The following TMEM229B variants were observed in gnomAD, a reference collection of about 807,000 sequenced individuals.
The protein encoded by TMEM229B is chromosome 14 open reading frame 83.
Under a neutral mutation model 13.7 loss-of-function variants are expected in TMEM229B, and 6 were observed. The observed-to-expected ratio is 0.44, with a 90% CI of 0.24 to 0.86. The LOEUF (loss-of-function observed/expected upper bound fraction) is 0.86. Among genes scored for constraint, TMEM229B ranks in the 40% least tolerant of loss-of-function variants. The pLI is 0.23. For missense variants in TMEM229B, 170 were observed against 236.0 expected (o/e 0.72, Z 1.83); for synonymous variants, 107 against 102.1 (o/e 1.05, Z -0.29).
In TMEM229B at chr14:67,478,415, TG is replaced by T. The variant is rs2031363106; in HGVS notation, c.-18-4475del. On this transcript the variant is annotated intron_variant, in intron 2 of 2. Transcript: ENST00000554480. ...ACTCTTCTCATTGCTGCCACTGCTC[TG>T]GTTCACGCCCTCATCATGTCTCACC... Among the ~76,000 whole-genome samples the T allele has an allele frequency of 2.0e-5, 3 of 152,376 alleles. No homozygotes were observed. In the South Asian group the frequency reaches 6.2e-4, roughly 32 times the overall value.
intron 1 of TMEM229B, among the ~76,000 whole-genome samples, chr14:67,512,026 C>T (rs953891880): frequency 2.0e-5 from 3 of 152,244 alleles, no homozygotes; most frequent in African/African-American, 7.2e-5. Context: ...TTGAACCAAA[C>T]ACCCTGGTAC....
At chr14:67,478,995 AAAC>A (rs1472954637) in intron 2 of TMEM229B, among the ~76,000 whole-genome samples, 9 of 152,252 alleles carry the variant, frequency 5.9e-5, no homozygotes, top group African/African-American at 2.2e-4. Flanking sequence ...CAAAAAAATT[AAAC>A]AACAATCATC....
intron 1 of TMEM229B, among the ~76,000 whole-genome samples, chr14:67,495,319 A>T (rs2032323535): frequency 6.6e-6 from 1 of 152,126 alleles, no homozygotes; most frequent in Non-Finnish European, 1.5e-5. Context: ...TCCTCCCAGG[A>T]TCAACAACCT....
chr14:67,483,627 G>A (rs1313573094), intron 2 of TMEM229B, among the ~76,000 whole-genome samples: 1 of 152,184 alleles, frequency 6.6e-6, no homozygotes, highest in African/African-American at 2.4e-5. Context: ...GGTCAAAGCT[G>A]ACAGTCACAG....
chr14:67,476,033 A>G (rs923535914), intron 2 of TMEM229B, among the ~76,000 whole-genome samples: 2 of 152,216 alleles, frequency 1.3e-5, no homozygotes, highest in African/African-American at 4.8e-5. Flanking sequence ...CTGCATCAAG[A>G]ATGGGAAGGT....
chr14:67,495,503 A>G (rs2032331220), intron 1 of TMEM229B, among the ~76,000 whole-genome samples: 1 of 148,624 alleles, frequency 6.7e-6, no homozygotes, highest in Non-Finnish European at 1.5e-5. Flanking sequence ...TTTTTTTCAG[A>G]TGGAGTTTCA....
At chr14:67,501,169 G>A (rs1419461500) in intron 1 of TMEM229B, among the ~76,000 whole-genome samples, 1 of 151,870 alleles carries the variant, frequency 6.6e-6, no homozygotes, top group African/African-American at 2.4e-5. Flanking sequence ...TGAACGAAAT[G>A]CAAACCTCCA....
chr14:67,530,700 CA>C (rs566434782), intron 1 of TMEM229B, among the ~76,000 whole-genome samples: 1 of 152,140 alleles, frequency 6.6e-6, no homozygotes, highest in African/African-American at 2.4e-5. Context: ...AAGCAGTTTT[CA>C]AAACATGGAG....
In TMEM229B at chr14:67,474,738, G is replaced by A. The variant is rs142587170; in HGVS notation, c.-18-797C>T. On this transcript the variant is annotated intron_variant, in intron 2 of 2. Coordinates refer to ENST00000554480, the MANE Select transcript of TMEM229B (RefSeq NM_001348543.2). ...CCCATTCCCCATACCCTCAGCCCCTGGCAACCACTATTCTATTTTCTGTCT... is the reference window on the plus strand; with the variant it reads ...CCCATTCCCCATACCCTCAGCCCCTAGCAACCACTATTCTATTTTCTGTCT... Among the ~76,000 whole-genome samples, 797 of 152,050 alleles carry A rather than the reference G, an allele frequency of 5.2e-3. 10 individuals are homozygous for A. Among genetic ancestry groups the A allele is most frequent in the Non-Finnish European group, 4.2e-3 (283 of 67,996 alleles).
chr14:67,502,492 GT>G (rs1555360907), intron 1 of TMEM229B, among the ~76,000 whole-genome samples: 1 of 125,386 alleles, frequency 8.0e-6, no homozygotes, highest in Non-Finnish European at 1.6e-5. Context: ...TTGCTTTGTT[GT>G]CCAGGCTAGA....
At chr14:67,509,827 C>T (rs10150581) in intron 1 of TMEM229B, among the ~76,000 whole-genome samples, 11 of 151,994 alleles carry the variant, frequency 7.2e-5, no homozygotes, top group Admixed American at 1.3e-4. Context: ...TGCAACATAG[C>T]GAGTTATAAA....
Position 67,507,486 on chromosome 14 carries a change from T to C in TMEM229B, c.-192+7600A>G, listed in dbSNP as rs76490824. On this transcript the variant is annotated intron_variant, in intron 1 of 2. Coordinates refer to the TMEM229B transcript ENST00000357461. Reference sequence around the variant, plus strand: ...CTGGAGTCCCCAGGGTCTCGGTCTTTTGTCCAAGCTGGAGTGCAGTGGTGT... The same window carrying C: ...CTGGAGTCCCCAGGGTCTCGGTCTTCTGTCCAAGCTGGAGTGCAGTGGTGT... 1.2e-3 allele frequency among the ~76,000 whole-genome samples: 179 copies of C among 152,198 alleles called. 2 individuals are homozygous for C. In the East Asian group the frequency reaches 0.031, roughly 26 times the overall value.
At position 67,473,199 on chromosome 14, in the gene TMEM229B, T is replaced by C. The variant is rs2030883616; in HGVS notation, c.*221A>G. ...GAACTGGGCCGCGATCCATGGACCC[T>C]TCCCAATGTCCCTCTGCTGCCTCCA... On this transcript the variant is annotated 3_prime_UTR_variant, in exon 3 of 3. Transcript: ENST00000554480. This position sits in a 1 kb window ranked among gnomAD's most constrained non-coding sequence, Gnocchi z 6.5. 1.6e-6 allele frequency: 1 copy of C among 610,134 alleles called. No homozygotes were observed. 37.8% of individuals were successfully genotyped at this position (610,134 alleles called of 1,614,324 possible). A position where few individuals can be genotyped will look rare whatever the true frequency, so the allele number is the denominator to read the frequency against.
intron 1 of TMEM229B, among the ~76,000 whole-genome samples, chr14:67,528,684 C>A (rs1046042176): frequency 6.6e-6 from 1 of 152,186 alleles, no homozygotes; most frequent in African/African-American, 2.4e-5. Flanking sequence ...ATTAAGCCCC[C>A]ATTCACCTGG....
chr14:67,519,731 C>G (rs373221168), upstream of TMEM229B, among the ~76,000 whole-genome samples: 1 of 128,420 alleles, frequency 7.8e-6, no homozygotes, highest in Non-Finnish European at 1.7e-5. Context: ...TTTTTTTTTA[C>G]TTTTTTTTTG....
At chr14:67,504,710 C>T (rs550437263) in intron 1 of TMEM229B, among the ~76,000 whole-genome samples, 3 of 152,156 alleles carry the variant, frequency 2.0e-5, no homozygotes, top group Non-Finnish European at 2.9e-5. Flanking sequence ...CTTGGTGAAA[C>T]CCTGTCTCTA....
At chr14:67,487,911 A>G (rs1378518522) in intron 1 of TMEM229B, among the ~76,000 whole-genome samples, 1 of 152,164 alleles carries the variant, frequency 6.6e-6, no homozygotes, top group African/African-American at 2.4e-5. Flanking sequence ...GGCGTGAGCC[A>G]CTGTGCCTGG....
chr14:67,494,327 C>A (rs1301466434), intron 1 of TMEM229B, among the ~76,000 whole-genome samples: 2 of 152,208 alleles, frequency 1.3e-5, no homozygotes, highest in Non-Finnish European at 2.9e-5. Context: ...TCAAACCAGC[C>A]TGAGAAAGGC....
At chr14:67,505,601 T>C (rs2140216577) in intron 1 of TMEM229B, among the ~76,000 whole-genome samples, 1 of 152,198 alleles carries the variant, frequency 6.6e-6, no homozygotes, top group Non-Finnish European at 1.5e-5. Flanking sequence ...TTCTCTGAGA[T>C]GGTCTCTTGG....
Sources: allele counts gnomAD v4.1 joint callset (sites outside exome capture counted in the v4.1 genomes callset), GRCh38; gene constraint gnomAD v4.1.1; non-coding constraint Gnocchi (gnomAD v3.1); transcripts MANE v1.5; gene names NCBI Gene and HGNC (gene_info 2026-07-23, HGNC 2026-07-21).